The following NSUN6 variants were observed in gnomAD, a reference collection of about 807,000 sequenced individuals.
The protein encoded by NSUN6 is NOP2/Sun RNA methyltransferase 6, also known as tRNA (cytosine(72)-C(5))-methyltransferase NSUN6.
In NSUN6, 64 loss-of-function variants were observed where a neutral mutation model predicts 58.0. That is an observed-to-expected ratio of 1.10 (90% CI 0.90 to 1.36). The LOEUF is 1.36. Ranked by LOEUF, NSUN6 falls within the 40% of genes most tolerant of loss-of-function variation. NSUN6 has a pLI of 0.00. For missense variants in NSUN6, 701 were observed against 550.1 expected (o/e 1.27, Z -2.74); for synonymous variants, 231 against 193.9 (o/e 1.19, Z -1.59).
chr10:18,620,177 T>A (rs1176861079), intron 3 of NSUN6, among the ~76,000 whole-genome samples: 1 of 151,692 alleles, frequency 6.6e-6, no homozygotes, highest in Non-Finnish European at 1.5e-5. Context: ...AAGCTCCACC[T>A]CCCGGGTTCA....
chr10:18,546,925 C>T (rs527625910), intron 10 of NSUN6, among the ~76,000 whole-genome samples: 11 of 146,528 alleles, frequency 7.5e-5, no homozygotes, highest in Non-Finnish European at 1.0e-4. Flanking sequence ...GGAGTGGGGA[C>T]GGGGAGGGGA....
intron 3 of NSUN6, 53 bp downstream of exon 3, chr10:18,642,423 G>A: frequency 1.1e-6 from 1 of 884,850 alleles, no homozygotes; most frequent in Non-Finnish European, 1.9e-6. Flanking sequence ...AAAGCTCCCT[G>A]TGACAAACTT....
At chr10:18,574,620 T>G (rs1398288706) in intron 8 of NSUN6, among the ~76,000 whole-genome samples, 2 of 152,128 alleles carry the variant, frequency 1.3e-5, no homozygotes, top group Admixed American at 6.6e-5. Context: ...TCAGGAAACT[T>G]GCCCAACAGC....
intron 3 of NSUN6, among the ~76,000 whole-genome samples, chr10:18,628,867 AGGCAG>A (rs1419020571): frequency 6.6e-6 from 1 of 152,192 alleles, no homozygotes; most frequent in Non-Finnish European, 1.5e-5. Context: ...CACTCTAGCA[AGGCAG>A]GCCAACATTC....
chr10:18,616,149 A>T, intron 4 of NSUN6, 35 bp downstream of exon 4: 1 of 1,148,630 alleles, frequency 8.7e-7, no homozygotes, highest in African/African-American at 1.5e-5. Context: ...TAAATTTTAG[A>T]GAACCTTAAA....
chr10:18,639,633 T>C (rs2059333016), intron 3 of NSUN6, among the ~76,000 whole-genome samples: 4 of 150,944 alleles, frequency 2.6e-5, no homozygotes, highest in Admixed American at 1.3e-4. Context: ...TTCCCTGCAA[T>C]AGCTCACCAT....
chr10:18,605,891 C>T (rs190363413), intron 6 of NSUN6, among the ~76,000 whole-genome samples: 52 of 152,218 alleles, frequency 3.4e-4, no homozygotes, highest in African/African-American at 1.2e-3. Context: ...GAGAGACAAA[C>T]ATTATTCTCC....
upstream of NSUN6, among the ~76,000 whole-genome samples, chr10:18,656,227 A>G (rs2059776300): frequency 6.6e-6 from 1 of 152,176 alleles, no homozygotes; most frequent in Non-Finnish European, 1.5e-5. Flanking sequence ...CTGATCAACT[A>G]AACTAAAATC....
chr10:18,559,671 T>A (rs972319995), intron 8 of NSUN6, among the ~76,000 whole-genome samples: 2 of 147,534 alleles, frequency 1.4e-5, no homozygotes, highest in Non-Finnish European at 3.0e-5. Context: ...GGCAATGGAA[T>A]GTGAAATGTA....
intron 3 of NSUN6, among the ~76,000 whole-genome samples, chr10:18,622,055 C>CACACACAG (rs2058626973): frequency 6.6e-6 from 1 of 151,986 alleles, no homozygotes; most frequent in African/African-American, 2.4e-5. Flanking sequence ...CACACACACA[C>CACACACAG]ACACAGACAC....
chr10:18,581,512 T>C (rs1375753507), intron 8 of NSUN6, among the ~76,000 whole-genome samples: 4 of 152,022 alleles, frequency 2.6e-5, no homozygotes, highest in African/African-American at 9.7e-5. Flanking sequence ...GTTTAGCATA[T>C]ACTCAAGAAA....
intron 7 of NSUN6, among the ~76,000 whole-genome samples, chr10:18,590,551 A>G (rs912629623): frequency 7.2e-5 from 11 of 152,216 alleles, no homozygotes; most frequent in African/African-American, 2.4e-4. Flanking sequence ...ATCATAACAA[A>G]CAGTCTCTCA....
intron 3 of NSUN6, among the ~76,000 whole-genome samples, chr10:18,620,181 G>T (rs1016289969): frequency 6.6e-6 from 1 of 151,484 alleles, no homozygotes; most frequent in Non-Finnish European, 1.5e-5. Flanking sequence ...TCCACCTCCC[G>T]GGTTCACGCC....
intron 7 of NSUN6, 63 bp downstream of exon 7, chr10:18,596,145 G>A: frequency 7.0e-7 from 1 of 1,422,330 alleles, no homozygotes; most frequent in South Asian, 1.2e-5. Flanking sequence ...CTATGTTTCA[G>A]AAATTACACA....
At chr10:18,563,596 T>C (rs933688890) in intron 8 of NSUN6, among the ~76,000 whole-genome samples, 6 of 151,022 alleles carry the variant, frequency 4.0e-5, no homozygotes, top group African/African-American at 1.2e-4. Context: ...CCATTCTCCA[T>C]TCCATTCCAT....
chr10:18,568,065 G>A (rs148028025), intron 8 of NSUN6, among the ~76,000 whole-genome samples: 19 of 139,540 alleles, frequency 1.4e-4, no homozygotes, highest in East Asian at 2.2e-4. Context: ...TCCATTTTCC[G>A]TTCCATTCCA....
intron 7 of NSUN6, among the ~76,000 whole-genome samples, chr10:18,591,294 T>C (rs775754046): frequency 6.6e-6 from 1 of 152,324 alleles, no homozygotes; most frequent in East Asian, 1.9e-4. Context: ...AGCAAAATTC[T>C]ACCAGAGGTA....
At chr10:18,658,612 T>C (rs2059804025), upstream of NSUN6, 2 of 944,970 alleles carry the variant, frequency 2.1e-6, no homozygotes, top group South Asian at 4.9e-5. Context: ...AGGGGTGCTA[T>C]GTGTTATTAT....
At chr10:18,622,043 CACACACACACACACACAG>C (rs2058625821) in intron 3 of NSUN6, among the ~76,000 whole-genome samples, 3 of 146,836 alleles carry the variant, frequency 2.0e-5, no homozygotes, top group African/African-American at 7.3e-5. Flanking sequence ...GAATGACACA[CACACACACACACACACAG>C]ACACACACAC....
Sources: gnomAD v4.1 joint callset for allele counts (sites outside exome capture counted in the v4.1 genomes callset) on GRCh38, gnomAD v4.1.1 for gene constraint, MANE v1.5 for transcripts, NCBI Gene and HGNC (gene_info 2026-07-23, HGNC 2026-07-21) for gene names.